ARHGEF18: variants seen among roughly 807,000 people sequenced by gnomAD.
The protein encoded by ARHGEF18 is rho guanine nucleotide exchange factor 18.
A neutral mutation model predicts 155.7 loss-of-function variants in ARHGEF18; 93 were observed. The ratio of observed to expected loss-of-function variants is 0.60; its 90% CI spans 0.50 to 0.71. ARHGEF18 has a LOEUF of 0.71. Among genes scored for constraint, ARHGEF18 ranks in the 30% least tolerant of loss-of-function variants. ARHGEF18 has a pLI of 0.00. For missense variants in ARHGEF18, 1,593 were observed against 1,816.1 expected, an observed-to-expected ratio of 0.88 and a Z score of 2.23; for synonymous variants, 742 against 753.1, an observed-to-expected ratio of 0.99 and a Z score of 0.24.
chr19:7,467,198 C>T lies in ARHGEF18; in HGVS notation c.3010-16C>T. 1.3e-6 allele frequency: 2 copies of T among 1,582,376 alleles called. No individual in the cohort carries two copies. Among genetic ancestry groups the T allele is most frequent in the Middle Eastern group, 1.7e-4 (1 of 5,820 alleles). On this transcript the variant is annotated splice_polypyrimidine_tract_variant and intron_variant, in intron 25 of 28. Transcript: ENST00000668164. ...GCAGGTGCGGCTCTCACTCGCCTGG[C>T]CCTGGCCCTCCGCAGGCGGTAATCG...
At chr19:7,354,384 G>C (rs569210698) in intron 1 of ARHGEF18, among the ~76,000 whole-genome samples, 1 of 150,638 alleles carries the variant, frequency 6.6e-6, no homozygotes, top group Non-Finnish European at 1.5e-5. Flanking sequence ...TTTGGGGCTG[G>C]GGGTGATTTG....
chr19:7,406,450 G>C (rs1972312012), intron 10 of ARHGEF18, among the ~76,000 whole-genome samples: 1 of 152,168 alleles, frequency 6.6e-6, no homozygotes, highest in Non-Finnish European at 1.5e-5. Flanking sequence ...CAAAACGTAT[G>C]AGTAGGAATC....
chr19:7,439,957 C>A, intron 10 of ARHGEF18: 1 of 1,530,182 alleles, frequency 6.5e-7, no homozygotes, highest in Non-Finnish European at 8.8e-7. Flanking sequence ...ACAGTGGGGA[C>A]CAATATCCTG....
chr19:7,440,052 G>A lies in ARHGEF18; in HGVS notation c.968-292G>A. ...AAGGATCCCACCGAGGCATAAAAAC[G>A]GCGCAGCCCAGCCTGGCGCCGCGCC... is the stretch of plus-strand genomic sequence containing the variant. On this transcript the variant is annotated intron_variant, in intron 10 of 28. Transcript: ENST00000668164. The surrounding 1 kb of genome is among the most constrained non-coding windows in gnomAD (Gnocchi z 5.4). 1.3e-6 allele frequency: 2 copies of A among 1,550,650 alleles called. No homozygotes were observed. The highest frequency in any genetic ancestry group is 1.7e-6 in the Non-Finnish European group (2 of 1,146,786).
In ARHGEF18 at chr19:7,442,179, T is replaced by C. The variant is rs143700713; in HGVS notation, c.1360+127T>C. On this transcript the variant is annotated intron_variant, in intron 13 of 28. Coordinates refer to ENST00000668164, the MANE Select transcript of ARHGEF18 (RefSeq NM_001367823.1). ...CTTCCTTCCTTCCTTCCTTATCTTTTTCTTTCTTTCTTTCTCTCTTTCCTT... is the reference window on the plus strand; with the variant it reads ...CTTCCTTCCTTCCTTCCTTATCTTTCTCTTTCTTTCTTTCTCTCTTTCCTT... 8.4e-3 allele frequency: 8,843 copies of C among 1,055,652 alleles called. 50 individuals are homozygous for C. The highest frequency in any genetic ancestry group is 0.011 in the Non-Finnish European group (8,163 of 731,928). The allele number at this position is 1,055,652 out of a possible 1,614,324, so 65.4% of individuals were successfully genotyped here. A position where few individuals can be genotyped will look rare whatever the true frequency, so the allele number is the denominator to read the frequency against.
At position 7,468,930 on chromosome 19, in the gene ARHGEF18, G is replaced by A. The variant is rs993334421; in HGVS notation, c.3586G>A (p.Glu1196Lys). 6.3e-6 allele frequency: 10 copies of A among 1,576,580 alleles called. No homozygotes were observed. The highest frequency in any genetic ancestry group is 5.8e-5 in the South Asian group (5 of 86,396). ...GVGPEYAERP[E>K]VARRDSAPTE... The stretch of plus-strand genomic sequence containing the variant: ...GGGGCCAGAGTACGCAGAGCGCCCC[G>A]AGGTGGCTCGCCGGGACAGCGCCCC... Residue 1196 changes from glutamate to lysine, a missense_variant, in exon 27 of 29, where the codon GAG (glutamate) becomes AAG (lysine). Coordinates refer to ENST00000668164, the MANE Select transcript of ARHGEF18 (RefSeq NM_001367823.1).
In ARHGEF18 at chr19:7,375,789, G is replaced by A. The variant is rs1241492055; in HGVS notation, c.345G>A (p.Leu115=). The A allele has an allele frequency of 6.6e-5, 81 of 1,234,566 alleles. No individual in the cohort carries two copies. Among genetic ancestry groups the A allele is most frequent in the Middle Eastern group, 2.1e-4 (1 of 4,842 alleles). 76.5% of individuals were successfully genotyped at this position (1,234,566 alleles called of 1,614,324 possible). A position where few individuals can be genotyped will look rare whatever the true frequency, so the allele number is the denominator to read the frequency against. The change falls in exon 4 of 29, where the codon TTG becomes TTA. Residue 115 remains leucine (L), a synonymous_variant. Coordinates refer to ENST00000668164, the MANE Select transcript of ARHGEF18 (RefSeq NM_001367823.1). ...CCCGAACACTGGCCAGCCTTGCTTT[G>A]AACCTGCCAGGAGGAGGGCTGAAGA... The part of the protein sequence containing the change: ...CLPRTLASLA[L]NLPGGGLKTW...
In ARHGEF18 at chr19:7,440,482, G is replaced by T; in HGVS notation, c.1106G>T (p.Gly369Val). The part of the protein sequence containing the change: ...PSPAGPGTQL[G>V]PITGEMDEAD... ...CCGGCTGGCCCTGGGACGCAACTCG[G>T]GTAAGCCAGGGTCCCCTCTGTGCCC... Residue 369 changes from glycine (G) to valine (V), a missense_variant and splice_region_variant, in exon 11 of 29, where the codon GGA becomes GTA. Coordinates refer to ENST00000668164, the MANE Select transcript of ARHGEF18 (RefSeq NM_001367823.1). This position sits in a 1 kb window ranked among gnomAD's most constrained non-coding sequence, Gnocchi z 5.4. The T allele has an allele frequency of 6.3e-7, 1 of 1,595,562 alleles. No homozygotes were observed. The highest frequency in any genetic ancestry group is 8.5e-7 in the Non-Finnish European group (1 of 1,177,570).
chr19:7,461,289 C>G (rs1976239161), intron 20 of ARHGEF18, among the ~76,000 whole-genome samples: 3 of 152,034 alleles, frequency 2.0e-5, no homozygotes, highest in Admixed American at 2.0e-4. Context: ...TGGCTCACGC[C>G]TGTAATCCCA....
chr19:7,472,703 T>C (rs1320386141), downstream of ARHGEF18: 1 of 286,006 alleles, frequency 3.5e-6, no homozygotes, highest in East Asian at 8.7e-5. Context: ...GTTTTTTTGG[T>C]TTGTTTGTTT....
chr19:7,445,423 G>C (rs1974926359), intron 14 of ARHGEF18, among the ~76,000 whole-genome samples: 1 of 152,122 alleles, frequency 6.6e-6, no homozygotes, highest in African/African-American at 2.4e-5. Context: ...CCTCCAGCCT[G>C]GGCAGCAGAG....
At position 7,451,370 on chromosome 19, in the gene ARHGEF18, T is replaced by C. The variant is rs1000576784; in HGVS notation, c.1855+104T>C. On this transcript the variant is annotated intron_variant, in intron 16 of 28. Transcript: ENST00000668164. ...AGCAGCAAACTGAATAAATTCCCTT[T>C]GAAATCCAGTTTGCTGGGTGCTGGG... The C allele has an allele frequency of 8.4e-6, 8 of 955,720 alleles. No individual in the cohort carries two copies. The African/African-American group carries it at 1.2e-4, about 14-fold the overall frequency. The allele number at this position is 955,720 out of a possible 1,614,324, so 59.2% of individuals were successfully genotyped here.
intron 3 of ARHGEF18, 143 bp downstream of exon 3, chr19:7,373,214 C>A: frequency 9.5e-7 from 1 of 1,052,090 alleles, no homozygotes; most frequent in Non-Finnish European, 1.2e-6. Flanking sequence ...GGACCAGTTT[C>A]ATGGAAGACA....
intron 11 of ARHGEF18, among the ~76,000 whole-genome samples, chr19:7,441,326 C>T (rs1974632368): frequency 1.3e-5 from 2 of 151,898 alleles, no homozygotes; most frequent in Non-Finnish European, 2.9e-5. Flanking sequence ...ATTACAGGCA[C>T]CTGCCACCAC....
At chr19:7,427,943 C>CA (rs1973752787) in intron 10 of ARHGEF18, among the ~76,000 whole-genome samples, 1 of 148,648 alleles carries the variant, frequency 6.7e-6, no homozygotes, top group African/African-American at 2.5e-5. Context: ...GACTCTGTCT[C>CA]AAAAAAGAAA....
chr19:7,357,994 A>G (rs1192183419), intron 1 of ARHGEF18, among the ~76,000 whole-genome samples: 1 of 151,150 alleles, frequency 6.6e-6, no homozygotes, highest in Non-Finnish European at 1.5e-5. Context: ...GTGCTTCCTC[A>G]CCCCCTCAGA....
chr19:7,383,374 CCCT>C, intron 10 of ARHGEF18, 171 bp downstream of exon 10: 2 of 637,276 alleles, frequency 3.1e-6, no homozygotes, highest in Non-Finnish European at 4.5e-6. Context: ...GGCACAGGGA[CCCT>C]TGGGCTAACT....
chr19:7,469,789 GC>G (rs1365477899), intron 27 of ARHGEF18, 114 bp from the exon 28 acceptor site: 5 of 1,290,322 alleles, frequency 3.9e-6, no homozygotes, highest in Non-Finnish European at 5.4e-6. Context: ...GATCCAGGCC[GC>G]CCGTGGGAAG....
intron 23 of ARHGEF18, among the ~76,000 whole-genome samples, chr19:7,466,411 G>T (rs1354394370): frequency 7.7e-6 from 1 of 130,128 alleles, no homozygotes; most frequent in Non-Finnish European, 1.6e-5. Flanking sequence ...ATTAAAAATA[G>T]CTGATCCTGG....
Sources: gnomAD v4.1 joint callset for allele counts (sites outside exome capture counted in the v4.1 genomes callset) on GRCh38, gnomAD v4.1.1 for gene constraint, Gnocchi (gnomAD v3.1) non-coding constraint, MANE v1.5 for transcripts, NCBI Gene and HGNC (gene_info 2026-07-23, HGNC 2026-07-21) for gene names.